The following FRMD3 variants were observed in gnomAD, a reference collection of about 807,000 sequenced individuals.
FRMD3 encodes the protein FERM domain containing 3.
In FRMD3, 33 loss-of-function variants were observed where a neutral mutation model predicts 70.2. That is an observed-to-expected ratio of 0.47 (90% CI 0.36 to 0.63). The LOEUF (loss-of-function observed/expected upper bound fraction) is 0.63. Ranked by LOEUF, FRMD3 falls within the 20% of genes least tolerant of loss-of-function variation. The pLI is 0.00. For missense variants in FRMD3, 632 were observed against 711.4 expected (o/e 0.89, Z 1.27); for synonymous variants, 279 against 255.9 (o/e 1.09, Z -0.86).
intron 2 of FRMD3, among the ~76,000 whole-genome samples, chr9:83,387,914 C>T (rs1825557122): frequency 6.6e-6 from 1 of 152,174 alleles, no homozygotes; most frequent in Admixed American, 6.5e-5. Flanking sequence ...TCACACTACG[C>T]AAACATCTAA....
At chr9:83,519,269 C>G (rs1829520046) in intron 1 of FRMD3, among the ~76,000 whole-genome samples, 1 of 152,090 alleles carries the variant, frequency 6.6e-6, no homozygotes, top group African/African-American at 2.4e-5. Context: ...TATCCAGAAT[C>G]TACAAGGAAC....
At chr9:83,402,926 TG>T (rs1331127041) in intron 1 of FRMD3, among the ~76,000 whole-genome samples, 1 of 118,780 alleles carries the variant, frequency 8.4e-6, no homozygotes, top group Non-Finnish European at 1.7e-5. Context: ...TTTTTTGAGA[TG>T]GAGTTTCACT....
chr9:83,416,099 C>G (rs1003540216), intron 1 of FRMD3, among the ~76,000 whole-genome samples: 1 of 152,104 alleles, frequency 6.6e-6, no homozygotes, highest in African/African-American at 2.4e-5. Context: ...GACCTTCAGC[C>G]TCTCCTCTCC....
At chr9:83,397,233 G>C (rs1340625702) in intron 1 of FRMD3, among the ~76,000 whole-genome samples, 1 of 152,208 alleles carries the variant, frequency 6.6e-6, no homozygotes, top group Non-Finnish European at 1.5e-5. Flanking sequence ...GAACTCTGCA[G>C]TCCACCACAT....
intron 1 of FRMD3, among the ~76,000 whole-genome samples, chr9:83,433,592 T>C (rs1198831136): frequency 6.6e-6 from 1 of 152,222 alleles, no homozygotes; most frequent in East Asian, 1.9e-4. Flanking sequence ...TTGTAATACA[T>C]AATGAAATAA....
At chr9:83,378,652 A>G (rs191511050) in intron 2 of FRMD3, among the ~76,000 whole-genome samples, 2,256 of 130,818 alleles carry the variant, frequency 0.017, 95 homozygotes, top group African/African-American at 0.058. Flanking sequence ...TATATATTAT[A>G]TATAATATGT....
chr9:83,473,609 C>G (rs1408329963), intron 1 of FRMD3, among the ~76,000 whole-genome samples: 5 of 152,202 alleles, frequency 3.3e-5, no homozygotes, highest in African/African-American at 1.2e-4. Context: ...ATCATATTTT[C>G]TATCTTAGAA....
At chr9:83,373,096 A>C in intron 2 of FRMD3, 141 bp from the exon 3 acceptor site, 1 of 681,184 alleles carries the variant, frequency 1.5e-6, no homozygotes, top group Non-Finnish European at 2.6e-6. Context: ...CTGAAGACCA[A>C]CATAAACAAC....
chr9:83,504,489 C>G lies in FRMD3; in HGVS notation c.147+33596G>C, dbSNP rs150996315. On this transcript the variant is annotated intron_variant, in intron 1 of 13. Transcript: ENST00000304195. The stretch of plus-strand genomic sequence containing the variant: ...CCCTCTCTTGGCTTCTTTCCCAGTC[C>G]TCTCCTCCTCCCTCACATTCCTCAC... Among the ~76,000 whole-genome samples, 177 of 152,132 alleles carry G rather than the reference C, an allele frequency of 1.2e-3. 1 individual carries two copies. In the East Asian group the frequency reaches 0.033, roughly 29 times the overall value.
intron 5 of FRMD3, among the ~76,000 whole-genome samples, chr9:83,336,619 T>C (rs1319160566): frequency 6.8e-6 from 1 of 147,732 alleles, no homozygotes; most frequent in Non-Finnish European, 1.5e-5. Flanking sequence ...CAGAAGAGCA[T>C]ACTAGATTAA....
At chr9:83,558,838 T>G in the FRMD3 span, among the ~76,000 whole-genome samples, 1 of 152,218 alleles carries the variant, frequency 6.6e-6, no homozygotes, top group Non-Finnish European at 1.5e-5. Context: ...AGTTCAAGAC[T>G]TCAGTGGAGG....
chr9:83,483,721 A>G (rs1032425393), intron 1 of FRMD3, among the ~76,000 whole-genome samples: 1 of 152,176 alleles, frequency 6.6e-6, no homozygotes, highest in Admixed American at 6.5e-5. Flanking sequence ...TTAGCTGGGC[A>G]TGGTGGTATG....
intron 13 of FRMD3, among the ~76,000 whole-genome samples, chr9:83,263,478 A>G (rs1833083918): frequency 6.6e-6 from 1 of 152,220 alleles, no homozygotes; most frequent in African/African-American, 2.4e-5. Context: ...ATTACATGTC[A>G]TGGCAAACAT....
intron 1 of FRMD3, among the ~76,000 whole-genome samples, chr9:83,476,850 C>T (rs1030545283): frequency 1.5e-4 from 23 of 151,958 alleles, no homozygotes; most frequent in Non-Finnish European, 4.4e-5. Context: ...TACACTTTTC[C>T]TTTGTGGCCC....
At chr9:83,463,041 AAAG>A (rs1828019248) in intron 1 of FRMD3, among the ~76,000 whole-genome samples, 1 of 152,204 alleles carries the variant, frequency 6.6e-6, no homozygotes, top group Non-Finnish European at 1.5e-5. Context: ...CTAGATTGCA[AAAG>A]AAGGATGCAA....
intron 13 of FRMD3, among the ~76,000 whole-genome samples, chr9:83,280,052 A>G (rs542462345): frequency 5.9e-5 from 9 of 152,364 alleles, no homozygotes; most frequent in South Asian, 2.1e-4. Flanking sequence ...GCAATGACCA[A>G]TGATCTAAAA....
In FRMD3 at chr9:83,307,752, A is replaced by T. The variant is rs183654294; in HGVS notation, c.926+1784T>A. On this transcript the variant is annotated intron_variant, in intron 10 of 13. Coordinates refer to ENST00000304195, the MANE Select transcript of FRMD3 (RefSeq NM_174938.6). ...TGATAATGGCTATATCACTTTGTGAATTACACTAAAAACCACAAAACTGTA... is the reference window on the plus strand; with the variant it reads ...TGATAATGGCTATATCACTTTGTGATTTACACTAAAAACCACAAAACTGTA... Among the ~76,000 whole-genome samples, 235 of 152,332 alleles carry T rather than the reference A, an allele frequency of 1.5e-3. 2 individuals carry two copies. The highest frequency in any genetic ancestry group is 3.4e-3 in the Middle Eastern group (1 of 294).
intron 1 of FRMD3, among the ~76,000 whole-genome samples, chr9:83,525,038 C>G (rs1829655772): frequency 6.6e-6 from 1 of 150,804 alleles, no homozygotes; most frequent in Admixed American, 6.6e-5. Context: ...TAATTAGTTA[C>G]TGATTTTTTA....
At chr9:83,436,263 G>T (rs1353671558) in intron 1 of FRMD3, among the ~76,000 whole-genome samples, 1 of 152,146 alleles carries the variant, frequency 6.6e-6, no homozygotes, top group Non-Finnish European at 1.5e-5. Context: ...ACCACTTGTT[G>T]TTCTCTCACA....
Sources: gnomAD v4.1 joint callset for allele counts (sites outside exome capture counted in the v4.1 genomes callset) on GRCh38, gnomAD v4.1.1 for gene constraint, MANE v1.5 for transcripts, NCBI Gene and HGNC (gene_info 2026-07-23, HGNC 2026-07-21) for gene names.